The following DDX46 variants were observed in gnomAD, a reference collection of about 807,000 sequenced individuals.
DDX46 encodes the protein DEAD-box helicase 46.
In DDX46, 30 loss-of-function variants were observed where a neutral mutation model predicts 134.9. The ratio of observed to expected loss-of-function variants is 0.22; its 90% CI spans 0.17 to 0.30. DDX46 has a LOEUF of 0.30. Among genes scored for constraint, DDX46 ranks in the 10% least tolerant of loss-of-function variants. The pLI is 1.00. For missense variants in DDX46, 622 were observed against 1,248.7 expected (o/e 0.50, Z 7.56); for synonymous variants, 415 against 404.1 (o/e 1.03, Z -0.32).
At chr5:134,774,207 A>G (rs1753864058) in intron 5 of DDX46, among the ~76,000 whole-genome samples, 1 of 152,160 alleles carries the variant, frequency 6.6e-6, no homozygotes, top group Non-Finnish European at 1.5e-5. Flanking sequence ...GAATCATAAT[A>G]CATATTTGTC....
intron 11 of DDX46, among the ~76,000 whole-genome samples, chr5:134,786,863 T>C (rs1754353330): frequency 6.6e-6 from 1 of 152,146 alleles, no homozygotes; most frequent in Admixed American, 6.5e-5. Context: ...GCGGAAGTGA[T>C]GGTGATTACT....
chr5:134,805,042 T>C, intron 15 of DDX46: 1 of 353,038 alleles, frequency 2.8e-6, no homozygotes, highest in Non-Finnish European at 5.6e-6. Context: ...AGGTAAACAA[T>C]TCTATTACCA....
In DDX46 at chr5:134,773,854, C is replaced by T. The variant is rs759439661; in HGVS notation, c.606C>T (p.Asp202=). ...MKQGKKWSLE[D]DDDDEDDPAE... Reference sequence around the variant, plus strand: ...AAGGGAAAAAGTGGAGTTTAGAGGACGATGATGGTATATTTTTTAGCCTAA... The same window carrying T: ...AAGGGAAAAAGTGGAGTTTAGAGGATGATGATGGTATATTTTTTAGCCTAA... The change falls in exon 5 of 23, where the codon GAC becomes GAT. Residue 202 remains aspartate, a synonymous_variant. Transcript: ENST00000452510. The T allele has an allele frequency of 2.6e-5, 41 of 1,598,880 alleles. No homozygotes were observed. The highest frequency in any genetic ancestry group is 1.1e-4 in the Admixed American group (6 of 56,082).
At chr5:134,818,763 C>T (rs1755360062) in intron 20 of DDX46, 97 bp from the exon 21 acceptor site, 1 of 975,116 alleles carries the variant, frequency 1.0e-6, no homozygotes, top group Non-Finnish European at 1.5e-6. Context: ...AGAGACCAAC[C>T]ATAATATGAT....
chr5:134,828,186 C>G (rs1003059645), intron 22 of DDX46, among the ~76,000 whole-genome samples: 5 of 150,964 alleles, frequency 3.3e-5, no homozygotes, highest in African/African-American at 7.3e-5. Flanking sequence ...GAAACGTTGT[C>G]TTTTATCTAA....
rs1368028783 is a variant in DDX46 at position 134,774,787 on chromosome 5, C to T, written c.613+926C>T. ...TCATAGTTCACTGCAGCCTCGACGTCCTGGGCTCAAGTGATTTTTCTGCCT... is the reference window on the plus strand; with the variant it reads ...TCATAGTTCACTGCAGCCTCGACGTTCTGGGCTCAAGTGATTTTTCTGCCT... On this transcript the variant is annotated intron_variant, in intron 5 of 22. Transcript: ENST00000452510. Among the ~76,000 whole-genome samples, 4 of 152,274 alleles carry T rather than the reference C, an allele frequency of 2.6e-5. No individual in the cohort carries two copies. The East Asian group carries it at 5.8e-4, about 22-fold the overall frequency.
intron 22 of DDX46, among the ~76,000 whole-genome samples, 180 bp from the exon 23 acceptor site, chr5:134,828,479 C>A (rs1289393999): frequency 6.6e-6 from 1 of 152,028 alleles, no homozygotes; most frequent in Non-Finnish European, 1.5e-5. Flanking sequence ...TTTTTCCTTT[C>A]TCAATGCAGT....
At chr5:134,789,780 T>C (rs983254507) in intron 12 of DDX46, among the ~76,000 whole-genome samples, 2 of 152,216 alleles carry the variant, frequency 1.3e-5, no homozygotes, top group African/African-American at 4.8e-5. Context: ...TTCCTATGTA[T>C]GTATTTTGTT....
chr5:134,808,919 TG>T lies in DDX46; in HGVS notation c.2148+979del, dbSNP rs544955212. Among the ~76,000 whole-genome samples the T allele has an allele frequency of 1.8e-4, 28 of 152,266 alleles. No homozygotes were observed. The South Asian group carries it at 2.9e-3, about 16-fold the overall frequency. On this transcript the variant is annotated intron_variant, in intron 16 of 22. Transcript: ENST00000452510. ...CTGCCATATATAATGTCATTTTAAC[TG>T]TTTTACATATATAATGTTATTTTAT...
At chr5:134,780,500 G>GTT (rs1754112724) in intron 6 of DDX46, among the ~76,000 whole-genome samples, 1 of 149,858 alleles carries the variant, frequency 6.7e-6, no homozygotes, top group African/African-American at 2.4e-5. Flanking sequence ...GGAGGCAGAG[G>GTT]TTACAGTGAG....
intron 3 of DDX46, among the ~76,000 whole-genome samples, chr5:134,770,530 G>A (rs1422177679): frequency 6.6e-6 from 1 of 152,116 alleles, no homozygotes; most frequent in Non-Finnish European, 1.5e-5. Context: ...AGTATTTTAA[G>A]GCCGGGCGAG....
rs145243853 is a variant in DDX46, at chr5:134,799,339, A to T, written c.1954+3189A>T. Among the ~76,000 whole-genome samples the T allele has an allele frequency of 8.6e-4, 128 of 149,666 alleles. 2 individuals are homozygous for T. The highest frequency in any genetic ancestry group is 2.6e-3 in the African/African-American group (107 of 40,728). Reference sequence around the variant, plus strand: ...CACTTTTTTTTTTTTTCTGAGACAGAGTCTCCCTATGCTGCCCAGCTTGTC... The same window carrying T: ...CACTTTTTTTTTTTTTCTGAGACAGTGTCTCCCTATGCTGCCCAGCTTGTC... On this transcript the variant is annotated intron_variant, in intron 15 of 22. Coordinates refer to ENST00000452510, the MANE Select transcript of DDX46 (RefSeq NM_001300860.2).
rs1371174071 is a variant in DDX46, at chr5:134,831,104, AAATT to A, written c.*2403_*2406del. On this transcript the variant is annotated 3_prime_UTR_variant, in exon 23 of 23. Coordinates refer to ENST00000452510, the MANE Select transcript of DDX46 (RefSeq NM_001300860.2). The stretch of plus-strand genomic sequence containing the variant: ...TGTTTTCTAAATTCCTTATAAAATA[AAATT>A]AATTCGAATTCAATCTGCACTTTCT... 5.9e-5 allele frequency: 9 copies of A among 152,224 alleles called. No individual in the cohort carries two copies. The highest frequency in any genetic ancestry group is 1.5e-5 in the Non-Finnish European group (1 of 68,036). 9.4% of individuals were successfully genotyped at this position (152,224 alleles called of 1,614,324 possible). A position where few individuals can be genotyped will look rare whatever the true frequency, so the allele number is the denominator to read the frequency against.
chr5:134,811,409 C>A, intron 17 of DDX46, 51 bp downstream of exon 17: 1 of 1,563,090 alleles, frequency 6.4e-7, no homozygotes, highest in Non-Finnish European at 8.6e-7. Flanking sequence ...TGTGACTAAA[C>A]CTTGATTATT....
chr5:134,781,270 T>C, intron 7 of DDX46, 24 bp downstream of exon 7: 3 of 1,546,272 alleles, frequency 1.9e-6, no homozygotes, highest in Non-Finnish European at 2.7e-6. Flanking sequence ...ATTTTGACTT[T>C]GTTTATGATA....
At chr5:134,777,807 A>C in intron 6 of DDX46, 82 bp downstream of exon 6, 4 of 1,465,594 alleles carry the variant, frequency 2.7e-6, no homozygotes, top group East Asian at 2.4e-5. Context: ...ACTGATTGGC[A>C]TGACTTTGTA....
chr5:134,800,043 G>T (rs1414080704), intron 15 of DDX46, among the ~76,000 whole-genome samples: 1 of 151,248 alleles, frequency 6.6e-6, no homozygotes, highest in African/African-American at 2.4e-5. Flanking sequence ...CACCTCCCAG[G>T]TTCAAGTGAT....
chr5:134,817,489 A>T lies in DDX46; in HGVS notation c.2614-7A>T. 1 of 1,611,036 alleles carries T rather than the reference A, an allele frequency of 6.2e-7. No individual in the cohort carries two copies. Among genetic ancestry groups the T allele is most frequent in the Non-Finnish European group, 8.5e-7 (1 of 1,178,446 alleles). ...TTGAGATTTAACTAAGTCTTCTTTAACTACAGGATGTGATGCAGCAGGCCA... is the reference window on the plus strand; with the variant it reads ...TTGAGATTTAACTAAGTCTTCTTTATCTACAGGATGTGATGCAGCAGGCCA... On this transcript the variant is annotated splice_region_variant and splice_polypyrimidine_tract_variant and intron_variant, in intron 19 of 22. Transcript: ENST00000452510.
At chr5:134,809,425 T>C (rs1755077107) in intron 16 of DDX46, among the ~76,000 whole-genome samples, 1 of 152,128 alleles carries the variant, frequency 6.6e-6, no homozygotes, top group African/African-American at 2.4e-5. Context: ...TGGAGTGCAG[T>C]GGCATGATCT....
Sources: allele counts gnomAD v4.1 joint callset (sites outside exome capture counted in the v4.1 genomes callset), GRCh38; gene constraint gnomAD v4.1.1; transcripts MANE v1.5; gene names NCBI Gene and HGNC (gene_info 2026-07-23, HGNC 2026-07-21).